Variants in RNF32 observed in about 807,000 individuals in gnomAD.
RNF32 encodes the protein ring finger protein 32.
Under a neutral mutation model 41.0 loss-of-function variants are expected in RNF32, and 36 were observed. The ratio of observed to expected loss-of-function variants is 0.88; its 90% CI spans 0.67 to 1.16. The LOEUF (loss-of-function observed/expected upper bound fraction) is 1.16. Ranked by LOEUF, RNF32 falls within the 50% of genes most tolerant of loss-of-function variation. The probability of loss-of-function intolerance (pLI) is 0.00; values close to 1 mark genes in which losing one functional copy is unlikely to be tolerated. For missense variants in RNF32, 413 were observed against 436.7 expected (o/e 0.95, Z 0.48); for synonymous variants, 154 against 160.9 (o/e 0.96, Z 0.32).
intron 3 of RNF32, among the ~76,000 whole-genome samples, chr7:156,650,547 C>T (rs1021198365): frequency 3.3e-5 from 5 of 152,180 alleles, no homozygotes; most frequent in Admixed American, 2.0e-4. Context: ...TGAAATCTGT[C>T]AATACAATTT....
chr7:156,659,008 G>A lies in RNF32; in HGVS notation c.684+438G>A, dbSNP rs962279250. On this transcript the variant is annotated intron_variant, in intron 7 of 8. Coordinates refer to ENST00000317955, the MANE Select transcript of RNF32 (RefSeq NM_030936.4). ...ATGCTACCATTGTATTGAGTACCTC[G>A]TGGGGTCATCACAATGAGCTTTAGA... 8 of 1,465,650 alleles carry A rather than the reference G, an allele frequency of 5.5e-6. No individual in the cohort carries two copies. In the East Asian group the frequency reaches 7.6e-5, roughly 14 times the overall value. 90.8% of individuals were successfully genotyped at this position (1,465,650 alleles called of 1,614,324 possible).
At chr7:156,668,581 G>A (rs547482903) in intron 7 of RNF32, among the ~76,000 whole-genome samples, 1 of 152,234 alleles carries the variant, frequency 6.6e-6, no homozygotes, top group Non-Finnish European at 1.5e-5. Context: ...CCCACTGGCT[G>A]CATCTGCCCA....
Position 156,669,047 on chromosome 7 carries a change from T to C in RNF32, c.685-6649T>C, listed in dbSNP as rs1053831658. 2.6e-5 allele frequency: 4 copies of C among 152,224 alleles called. No homozygotes were observed. Among genetic ancestry groups the C allele is most frequent in the Non-Finnish European group, 5.9e-5 (4 of 68,042 alleles). The allele number at this position is 152,224 out of a possible 1,614,324, so 9.4% of individuals were successfully genotyped here. A position where few individuals can be genotyped will look rare whatever the true frequency, so the allele number is the denominator to read the frequency against. ...TATTTGGTTACATAGGGTAAGTGGATAGTAAAATATAAATTAGACTCAACT... is the reference window on the plus strand; with the variant it reads ...TATTTGGTTACATAGGGTAAGTGGACAGTAAAATATAAATTAGACTCAACT... On this transcript the variant is annotated intron_variant, in intron 7 of 8. Coordinates refer to ENST00000317955, the MANE Select transcript of RNF32 (RefSeq NM_030936.4). This position sits in a 1 kb window ranked among gnomAD's most constrained non-coding sequence, Gnocchi z 4.2.
chr7:156,644,086 G>A (rs537818995), intron 2 of RNF32, among the ~76,000 whole-genome samples, 194 bp downstream of exon 2: 22 of 152,190 alleles, frequency 1.4e-4, no homozygotes, highest in Non-Finnish European at 3.1e-4. Flanking sequence ...GATATTTACT[G>A]CAAGCATCTC....
intron 7 of RNF32, among the ~76,000 whole-genome samples, chr7:156,661,380 C>T (rs1800648163): frequency 6.6e-6 from 1 of 150,624 alleles, no homozygotes; most frequent in East Asian, 2.0e-4. Context: ...AGTGCAGTGG[C>T]ACGATCTTGG....
At chr7:156,652,058 G>A (rs539993731) in intron 3 of RNF32, among the ~76,000 whole-genome samples, 2 of 152,272 alleles carry the variant, frequency 1.3e-5, no homozygotes, top group Admixed American at 1.3e-4. Context: ...GCTCCCTGGA[G>A]GAGTGCGGAG....
At chr7:156,659,459 CTT>C (rs1364484687) in intron 7 of RNF32, 1 of 985,238 alleles carries the variant, frequency 1.0e-6, no homozygotes, top group Non-Finnish European at 1.2e-6. Context: ...CCTTTACATT[CTT>C]TCCAGTTTTT....
At chr7:156,640,265 G>C (rs1272182155), upstream of RNF32, 1 of 447,722 alleles carries the variant, frequency 2.2e-6, no homozygotes. Context: ...CGAAGGGGCG[G>C]TGCGCTCGAG....
In RNF32 at chr7:156,676,946, G is replaced by A. The variant is rs1378903108; in HGVS notation, c.*291G>A. 3.0e-6 allele frequency: 1 copy of A among 333,820 alleles called. No individual in the cohort carries two copies. Among genetic ancestry groups the A allele is most frequent in the Non-Finnish European group, 5.6e-6 (1 of 178,972 alleles). 20.7% of individuals were successfully genotyped at this position (333,820 alleles called of 1,614,324 possible). On this transcript the variant is annotated 3_prime_UTR_variant, in exon 9 of 9. Coordinates refer to ENST00000317955, the MANE Select transcript of RNF32 (RefSeq NM_030936.4). ...AAAAATTGAGGTTAAGATATAGCTA[G>A]TGTCTGAACGACACTCCTTAAAGTA...
At chr7:156,658,715 T>A (rs1291052312) in intron 7 of RNF32, 145 bp downstream of exon 7, 1 of 766,702 alleles carries the variant, frequency 1.3e-6, no homozygotes. Context: ...CTGCTAAAAA[T>A]CCTGTTTAAC....
chr7:156,659,652 A>G, intron 7 of RNF32: 1 of 923,546 alleles, frequency 1.1e-6, no homozygotes, highest in Non-Finnish European at 1.3e-6. Context: ...TGCACACATC[A>G]TTTTATAAGA....
intron 3 of RNF32, among the ~76,000 whole-genome samples, chr7:156,645,058 T>G (rs1044418606): frequency 3.9e-5 from 6 of 152,246 alleles, no homozygotes; most frequent in African/African-American, 1.4e-4. Context: ...GAAAAATCCC[T>G]TATAGTAGAA....
chr7:156,670,412 G>A lies in RNF32; in HGVS notation c.685-5284G>A, dbSNP rs1238524347. Among the ~76,000 whole-genome samples, 1 of 152,220 alleles carries A rather than the reference G, an allele frequency of 6.6e-6. No homozygotes were observed. Among genetic ancestry groups the A allele is most frequent in the African/African-American group, 2.4e-5 (1 of 41,444 alleles). ...AGTGACTTGCCTAAGAGAGGATGTG[G>A]CGCAGGATGTCACTGTCAGAATTTG... On this transcript the variant is annotated intron_variant, in intron 7 of 8. Transcript: ENST00000317955. This position sits in a 1 kb window ranked among gnomAD's most constrained non-coding sequence, Gnocchi z 4.3.
intron 7 of RNF32, among the ~76,000 whole-genome samples, chr7:156,664,898 A>G (rs1030198911): frequency 1.3e-5 from 2 of 152,074 alleles, no homozygotes; most frequent in Non-Finnish European, 2.9e-5. Flanking sequence ...AGAAACAAAC[A>G]TATGTTTCAG....
rs1158472912 is a variant in RNF32, at chr7:156,676,568, AGAG to A, written c.1006_1008del (p.Glu336del). On this transcript the variant is annotated inframe_deletion, in exon 9 of 9. Transcript: ENST00000317955. ...TCCACCATGCGTGTCTGCTGGCACT[AGAG>A]GAGTTCTCCGTGGGAGACAGGCCTC... 3 of 1,614,234 alleles carry A rather than the reference AGAG, an allele frequency of 1.9e-6. No homozygotes were observed. The highest frequency in any genetic ancestry group is 2.5e-6 in the Non-Finnish European group (3 of 1,180,036).
At chr7:156,665,758 T>C (rs1432777717) in intron 7 of RNF32, among the ~76,000 whole-genome samples, 1 of 152,212 alleles carries the variant, frequency 6.6e-6, no homozygotes, top group Non-Finnish European at 1.5e-5. Flanking sequence ...TTCTAGACTC[T>C]GCTGAACTAT....
At chr7:156,647,995 C>T (rs977364152) in intron 3 of RNF32, among the ~76,000 whole-genome samples, 4 of 150,378 alleles carry the variant, frequency 2.7e-5, no homozygotes, top group East Asian at 1.9e-4. Flanking sequence ...AATATCTGTT[C>T]GTATCATTTG....
intron 3 of RNF32, among the ~76,000 whole-genome samples, chr7:156,648,618 AT>A (rs1798295892): frequency 6.6e-6 from 1 of 152,224 alleles, no homozygotes; most frequent in South Asian, 2.1e-4. Flanking sequence ...AAAAATCTTG[AT>A]TGTGCGTATT....
At chr7:156,655,488 G>A (rs1799512989) in intron 4 of RNF32, among the ~76,000 whole-genome samples, 1 of 152,190 alleles carries the variant, frequency 6.6e-6, no homozygotes, top group Admixed American at 6.5e-5. Context: ...CAGGCCCTCA[G>A]AGATTTGCTG....
Sources: gnomAD v4.1 joint callset for allele counts (sites outside exome capture counted in the v4.1 genomes callset) on GRCh38, gnomAD v4.1.1 for gene constraint, Gnocchi (gnomAD v3.1) non-coding constraint, MANE v1.5 for transcripts, NCBI Gene and HGNC (gene_info 2026-07-23, HGNC 2026-07-21) for gene names.